Variants in CNTNAP2 observed in about 807,000 individuals in gnomAD.
CNTNAP2 encodes the protein contactin-associated protein-like 2.
In CNTNAP2, 98 loss-of-function variants were observed where a neutral mutation model predicts 155.2. The ratio of observed to expected loss-of-function variants is 0.63; its 90% confidence interval spans 0.54 to 0.75. The LOEUF is 0.75. Ranked by LOEUF, CNTNAP2 falls within the 30% of genes least tolerant of loss-of-function variation. The pLI is 0.00. For synonymous variants in CNTNAP2, 651 were observed against 631.2 expected, an observed-to-expected ratio of 1.03 and a Z score of -0.47; for missense variants, 1,727 against 1,688.1, an observed-to-expected ratio of 1.02 and a Z score of -0.40.
intron 1 of CNTNAP2, among the ~76,000 whole-genome samples, chr7:146,196,567 GAGAGAGAGAGAGAGAA>G (rs1224960856): frequency 6.6e-6 from 1 of 150,492 alleles, no homozygotes; most frequent in Non-Finnish European, 1.5e-5. Flanking sequence ...GAGGGAGGGA[GAGAGAGAGAGAGAGAA>G]AGAGAGAGAG....
intron 1 of CNTNAP2, among the ~76,000 whole-genome samples, chr7:146,565,843 A>G (rs148198312): frequency 1.9e-3 from 294 of 152,392 alleles, no homozygotes; most frequent in African/African-American, 6.6e-3. Flanking sequence ...GCAAGCTTTA[A>G]GGAAAAGATA....
At chr7:147,055,546 G>A (rs114657797) in intron 4 of CNTNAP2, among the ~76,000 whole-genome samples, 3 of 152,168 alleles carry the variant, frequency 2.0e-5, no homozygotes, top group Non-Finnish European at 4.4e-5. Flanking sequence ...CCTGACACCT[G>A]ACGTAAAGCA....
At position 146,399,093 on chromosome 7, in the gene CNTNAP2, T is replaced by C. The variant is rs180782597; in HGVS notation, c.97+282120T>C. 3.5e-4 allele frequency among the ~76,000 whole-genome samples: 54 copies of C among 152,292 alleles called. No individual in the cohort carries two copies. In the East Asian group the frequency reaches 3.7e-3, roughly 10 times the overall value. On this transcript the variant is annotated intron_variant, in intron 1 of 23. Coordinates refer to ENST00000361727, the MANE Select transcript of CNTNAP2 (RefSeq NM_014141.6). ...TTTGACAAATAAACATATATATTTG[T>C]GGTATACAACATTGTGTTTTAATAT...
At chr7:148,415,324 G>A (rs1280927645) in intron 23 of CNTNAP2, 93 bp from the exon 24 acceptor site, 3 of 1,257,340 alleles carry the variant, frequency 2.4e-6, no homozygotes, top group Non-Finnish European at 3.4e-6. Context: ...ATGGGAGAGG[G>A]CTGTGTCTGA....
At chr7:147,769,632 A>G (rs763749418) in intron 13 of CNTNAP2, among the ~76,000 whole-genome samples, 4 of 152,178 alleles carry the variant, frequency 2.6e-5, no homozygotes, top group Non-Finnish European at 5.9e-5. Flanking sequence ...AATTATAACT[A>G]TATTTCTAGG....
At chr7:147,689,332 T>C (rs1411405513) in intron 13 of CNTNAP2, among the ~76,000 whole-genome samples, 1 of 152,016 alleles carries the variant, frequency 6.6e-6, no homozygotes, top group Non-Finnish European at 1.5e-5. Context: ...TGATTTTTAG[T>C]GGAGACAGGG....
intron 13 of CNTNAP2, among the ~76,000 whole-genome samples, chr7:147,775,822 G>T (rs1178831335): frequency 6.6e-6 from 1 of 152,188 alleles, no homozygotes; most frequent in South Asian, 2.1e-4. Context: ...TATCTTTAAG[G>T]TGTTACTGAC....
At chr7:147,316,851 T>C (rs1370173161) in intron 9 of CNTNAP2, among the ~76,000 whole-genome samples, 2 of 152,186 alleles carry the variant, frequency 1.3e-5, no homozygotes, top group Non-Finnish European at 2.9e-5. Context: ...AAGTCGTGAT[T>C]TTGAATAATA....
At chr7:146,834,412 A>G (rs1350285171) in intron 2 of CNTNAP2, among the ~76,000 whole-genome samples, 1 of 152,252 alleles carries the variant, frequency 6.6e-6, no homozygotes, top group East Asian at 1.9e-4. Flanking sequence ...ACGTGTGCTC[A>G]CACCATATAC....
chr7:147,442,073 C>T (rs77227845), intron 10 of CNTNAP2, among the ~76,000 whole-genome samples: 1 of 152,102 alleles, frequency 6.6e-6, no homozygotes, highest in Non-Finnish European at 1.5e-5. Flanking sequence ...CCATCTAGGA[C>T]TGTGTCCTTC....
chr7:148,402,525 T>C (rs1205843979), intron 22 of CNTNAP2, among the ~76,000 whole-genome samples: 6 of 152,204 alleles, frequency 3.9e-5, no homozygotes, highest in Non-Finnish European at 5.9e-5. Flanking sequence ...TCGATAACCA[T>C]TTGTTTTCAT....
At chr7:147,466,116 T>C (rs1798115174) in intron 10 of CNTNAP2, among the ~76,000 whole-genome samples, 2 of 152,216 alleles carry the variant, frequency 1.3e-5, no homozygotes. Context: ...GAGGAAATTG[T>C]CCATTTTTAA....
intron 2 of CNTNAP2, among the ~76,000 whole-genome samples, chr7:146,832,344 G>A (rs977633695): frequency 5.3e-4 from 80 of 151,716 alleles, no homozygotes; most frequent in African/African-American, 1.9e-3. Context: ...TTTATATTCT[G>A]TGCATTGGTC....
chr7:147,473,636 A>G (rs1479623046), intron 10 of CNTNAP2, among the ~76,000 whole-genome samples: 2 of 152,214 alleles, frequency 1.3e-5, no homozygotes, highest in East Asian at 1.9e-4. Flanking sequence ...GGTCCTCTCC[A>G]AGGAAACCAC....
intron 1 of CNTNAP2, among the ~76,000 whole-genome samples, chr7:146,508,747 C>T (rs763977673): frequency 9.9e-5 from 15 of 152,188 alleles, no homozygotes; most frequent in South Asian, 2.1e-4. Flanking sequence ...TCATCCCGCC[C>T]GCTGTTGGGC....
intron 9 of CNTNAP2, among the ~76,000 whole-genome samples, chr7:147,340,958 G>C (rs922724274): frequency 6.6e-6 from 1 of 151,944 alleles, no homozygotes; most frequent in African/African-American, 2.4e-5. Context: ...GCCACCGCTA[G>C]ATGCTCCTCC....
chr7:146,888,661 T>C (rs1795716791), intron 3 of CNTNAP2, among the ~76,000 whole-genome samples: 1 of 152,084 alleles, frequency 6.6e-6, no homozygotes, highest in Non-Finnish European at 1.5e-5. Flanking sequence ...TGAAATATTA[T>C]TCAGCTTTAA....
At chr7:146,487,462 A>G (rs1201360839) in intron 1 of CNTNAP2, among the ~76,000 whole-genome samples, 1 of 152,216 alleles carries the variant, frequency 6.6e-6, no homozygotes, top group Non-Finnish European at 1.5e-5. Context: ...TAAGGAAGCT[A>G]TGCTTATCTC....
chr7:147,237,049 C>CTTTTTTTTTTTTTTTTTTTTTTTTTTTTT lies in CNTNAP2; in HGVS notation c.1349-63084_1349-63056dup, dbSNP rs548220734. Reference sequence around the variant, plus strand: ...CCACTTCCTTTAGCCTTCACCTCCTCTTTTTTTTTTTTTTTTTTTTTTTTT... The same window carrying CTTTTTTTTTTTTTTTTTTTTTTTTTTTTT: ...CCACTTCCTTTAGCCTTCACCTCCTCTTTTTTTTTTTTTTTTTTTTTTTTTTTTTTTTTTTTTTTTTTTTTTTTTTTTTT... On this transcript the variant is annotated intron_variant, in intron 8 of 23. Coordinates refer to ENST00000361727, the MANE Select transcript of CNTNAP2 (RefSeq NM_014141.6). Among the ~76,000 whole-genome samples, 18 of 57,478 alleles carry CTTTTTTTTTTTTTTTTTTTTTTTTTTTTT rather than the reference C, an allele frequency of 3.1e-4. 5 individuals carry two copies. Among genetic ancestry groups the CTTTTTTTTTTTTTTTTTTTTTTTTTTTTT allele is most frequent in the Non-Finnish European group, 5.4e-4 (16 of 29,592 alleles). 37.7% of individuals were successfully genotyped at this position (57,478 alleles called of 152,430 possible).
Sources: gnomAD v4.1 joint callset for allele counts (sites outside exome capture counted in the v4.1 genomes callset) on GRCh38, gnomAD v4.1.1 for gene constraint, MANE v1.5 for transcripts, NCBI Gene and HGNC (gene_info 2026-07-23, HGNC 2026-07-21) for gene names.